The following CSMD1 variants were observed in gnomAD, a reference collection of about 807,000 sequenced individuals.
CSMD1 encodes the protein CUB and Sushi multiple domains 1.
CSMD1 carries 213 observed loss-of-function variants against 417.5 expected under a neutral mutation model. The ratio of observed to expected loss-of-function variants is 0.51; its 90% CI spans 0.46 to 0.57. The LOEUF (loss-of-function observed/expected upper bound fraction) is 0.57. CSMD1 is among the 20% of genes least tolerant of loss of function. CSMD1 has a pLI of 0.00. For synonymous variants in CSMD1, 2,862 were observed against 1,736.8 expected, an observed-to-expected ratio of 1.65 and a Z score of -16.11; for missense variants, 6,923 against 4,529.7, an observed-to-expected ratio of 1.53 and a Z score of -15.17.
chr8:4,033,302 C>T (rs1327299187), intron 3 of CSMD1, among the ~76,000 whole-genome samples: 6 of 151,852 alleles, frequency 4.0e-5, no homozygotes, highest in Admixed American at 6.6e-5. Flanking sequence ...ATTAGCCGGG[C>T]GTGGTGGCGG....
At chr8:4,062,443 C>G (rs2554705) in intron 3 of CSMD1, among the ~76,000 whole-genome samples, 8,666 of 152,054 alleles carry the variant, frequency 0.057, 788 homozygotes, top group African/African-American at 0.19. Context: ...CTAAGAATCT[C>G]AGATATCTGA....
At chr8:3,765,056 T>C (rs1798197513) in intron 5 of CSMD1, among the ~76,000 whole-genome samples, 1 of 152,170 alleles carries the variant, frequency 6.6e-6, no homozygotes, top group Non-Finnish European at 1.5e-5. Context: ...CACTGCCCTT[T>C]TTTCTAAAAA....
intron 10 of CSMD1, among the ~76,000 whole-genome samples, chr8:3,503,004 G>A (rs375303943): frequency 1.3e-4 from 20 of 152,180 alleles, no homozygotes; most frequent in African/African-American, 2.9e-4. Flanking sequence ...CAGGGGGTAC[G>A]GGGAAACTAT....
At chr8:3,892,432 G>C (rs1807038974) in intron 5 of CSMD1, among the ~76,000 whole-genome samples, 1 of 152,128 alleles carries the variant, frequency 6.6e-6, no homozygotes, top group South Asian at 2.1e-4. Flanking sequence ...AGCTTGTGAA[G>C]TGACAGGCTT....
chr8:4,331,330 G>C (rs745532461), intron 3 of CSMD1, among the ~76,000 whole-genome samples: 9 of 152,274 alleles, frequency 5.9e-5, no homozygotes, highest in Non-Finnish European at 1.0e-4. Flanking sequence ...ACGCAGTTTT[G>C]AGACTAATTT....
At chr8:4,663,813 C>T (rs1378864369) in intron 1 of CSMD1, among the ~76,000 whole-genome samples, 1 of 152,190 alleles carries the variant, frequency 6.6e-6, no homozygotes, top group Non-Finnish European at 1.5e-5. Flanking sequence ...CCTCTGGTTC[C>T]AGGCAGAACA....
intron 5 of CSMD1, among the ~76,000 whole-genome samples, chr8:3,897,024 C>T (rs1255836525): frequency 6.6e-6 from 1 of 151,530 alleles, no homozygotes; most frequent in African/African-American, 2.4e-5. Context: ...TTACTTGCTC[C>T]CTGGATCTAA....
At chr8:3,054,101 C>CTATT (rs1812055358) in intron 49 of CSMD1, among the ~76,000 whole-genome samples, 2 of 152,312 alleles carry the variant, frequency 1.3e-5, no homozygotes, top group South Asian at 4.2e-4. Context: ...CCAAACGAGA[C>CTATT]TATTCTCTCT....
chr8:4,452,753 C>T (rs1422611606), intron 2 of CSMD1, among the ~76,000 whole-genome samples: 1 of 152,006 alleles, frequency 6.6e-6, no homozygotes, highest in Non-Finnish European at 1.5e-5. Flanking sequence ...CATCTTTCAA[C>T]ATATCATCCA....
At chr8:4,320,931 C>A (rs1164567754) in intron 3 of CSMD1, among the ~76,000 whole-genome samples, 2 of 152,160 alleles carry the variant, frequency 1.3e-5, no homozygotes, top group African/African-American at 2.4e-5. Context: ...TGTATCCTCT[C>A]CTCCCAGTGT....
intron 1 of CSMD1, among the ~76,000 whole-genome samples, chr8:4,966,130 G>A (rs913794350): frequency 1.3e-4 from 19 of 150,954 alleles, no homozygotes; most frequent in Non-Finnish European, 2.1e-4. Context: ...TTGGGAGGCC[G>A]AGGCAGGTGG....
At chr8:4,076,857 C>T (rs1243234992) in intron 3 of CSMD1, among the ~76,000 whole-genome samples, 1 of 152,134 alleles carries the variant, frequency 6.6e-6, no homozygotes, top group Non-Finnish European at 1.5e-5. Flanking sequence ...ATAGGCTACT[C>T]TTTTCTCATT....
At chr8:4,758,710 A>G (rs779418047) in intron 1 of CSMD1, among the ~76,000 whole-genome samples, 3 of 151,866 alleles carry the variant, frequency 2.0e-5, no homozygotes, top group Non-Finnish European at 4.4e-5. Context: ...GGTAAGATAA[A>G]GAGAGTAAAA....
intron 5 of CSMD1, among the ~76,000 whole-genome samples, chr8:3,767,127 G>A (rs1798316364): frequency 6.6e-6 from 1 of 152,326 alleles, no homozygotes; most frequent in Non-Finnish European, 1.5e-5. Flanking sequence ...GGGTTCCGCT[G>A]AGGCTGCTGT....
At chr8:4,442,672 C>G (rs1050422399) in intron 2 of CSMD1, among the ~76,000 whole-genome samples, 2 of 152,062 alleles carry the variant, frequency 1.3e-5, no homozygotes, top group African/African-American at 4.8e-5. Context: ...ATTGACTTTC[C>G]CTTATTCAAT....
chr8:4,629,055 G>A (rs965281364), intron 2 of CSMD1, among the ~76,000 whole-genome samples: 3 of 152,082 alleles, frequency 2.0e-5, no homozygotes, highest in Non-Finnish European at 2.9e-5. Context: ...TACTTAACTA[G>A]TGAGAGTTAT....
intron 3 of CSMD1, among the ~76,000 whole-genome samples, chr8:4,228,058 C>T (rs964367117): frequency 5.3e-5 from 8 of 152,048 alleles, no homozygotes; most frequent in African/African-American, 1.9e-4. Flanking sequence ...AGCACGCCCT[C>T]TAACTTGCAT....
intron 8 of CSMD1, among the ~76,000 whole-genome samples, chr8:3,596,813 C>T (rs1206052739): frequency 6.6e-6 from 1 of 152,054 alleles, no homozygotes; most frequent in Non-Finnish European, 1.5e-5. Flanking sequence ...TACATGCATA[C>T]CAGTAATCAC....
chr8:4,270,448 G>A (rs1432965189), intron 3 of CSMD1, among the ~76,000 whole-genome samples: 1 of 152,062 alleles, frequency 6.6e-6, no homozygotes, highest in African/African-American at 2.4e-5. Flanking sequence ...TATTTTCAAA[G>A]ATCACAGAGA....
Sources: gnomAD v4.1 joint callset for allele counts (sites outside exome capture counted in the v4.1 genomes callset) on GRCh38, gnomAD v4.1.1 for gene constraint, MANE v1.5 for transcripts, NCBI Gene and HGNC (gene_info 2026-07-23, HGNC 2026-07-21) for gene names.